Variants in FKBP1B observed in about 807,000 individuals in gnomAD.
FKBP1B encodes the protein peptidyl-prolyl cis-trans isomerase FKBP1B.
FKBP1B carries 4 observed loss-of-function variants against 13.5 expected under a neutral mutation model. The observed-to-expected ratio is 0.30, with a 90% CI of 0.15 to 0.68. FKBP1B has a LOEUF of 0.68. Among genes scored for constraint, FKBP1B ranks in the 30% least tolerant of loss-of-function variants. FKBP1B has a pLI of 0.76. For missense variants in FKBP1B, 93 were observed against 136.2 expected, an observed-to-expected ratio of 0.68 and a Z score of 1.58; for synonymous variants, 54 against 53.6, an observed-to-expected ratio of 1.01 and a Z score of -0.03.
upstream of FKBP1B, among the ~76,000 whole-genome samples, chr2:24,044,818 A>T (rs201674449): frequency 7.9e-6 from 1 of 126,422 alleles, no homozygotes; most frequent in African/African-American, 3.1e-5. Flanking sequence ...AATTATCTTT[A>T]AAAAAAAAAA....
the FKBP1B span, among the ~76,000 whole-genome samples, chr2:24,042,535 CA>C: frequency 0.055 from 3,402 of 61,568 alleles, 49 homozygotes; most frequent in Middle Eastern, 0.1. Context: ...TACTCCGTCT[CA>C]AAAAAAAAAA....
the FKBP1B span, chr2:24,037,860 T>G: frequency 6.2e-7 from 1 of 1,614,192 alleles, no homozygotes; most frequent in East Asian, 2.2e-5. Context: ...GTAAGTTCTT[T>G]CTTTGAGGCA....
chr2:24,051,256 C>G (rs1663854945), intron 1 of FKBP1B, among the ~76,000 whole-genome samples: 1 of 152,014 alleles, frequency 6.6e-6, no homozygotes, highest in Non-Finnish European at 1.5e-5. Context: ...ATCACTTGAC[C>G]CTGGGAGCCA....
At chr2:24,062,170 T>A (rs1201776029) in intron 3 of FKBP1B, among the ~76,000 whole-genome samples, 4 of 151,676 alleles carry the variant, frequency 2.6e-5, no homozygotes, top group Admixed American at 2.0e-4. Context: ...GTTTTTTGTT[T>A]TTTATTTATT....
At position 24,059,372 on chromosome 2, in the gene FKBP1B, T is replaced by TGGGA. The variant is rs1553320913; in HGVS notation, c.86-1439_86-1438insAGGG. ...GAACCAGAACTGCTGGACCAGCACC[T>TGGGA]GGGGGGGGGTTCTGGTTTCAAACAG... On this transcript the variant is annotated intron_variant, in intron 2 of 3. Coordinates refer to ENST00000380986, the MANE Select transcript of FKBP1B (RefSeq NM_004116.5). Among the ~76,000 whole-genome samples, 48 of 144,476 alleles carry TGGGA rather than the reference T, an allele frequency of 3.3e-4. 1 individual carries two copies. Among genetic ancestry groups the TGGGA allele is most frequent in the Admixed American group, 1.8e-3 (26 of 14,750 alleles). 94.8% of individuals were successfully genotyped at this position (144,476 alleles called of 152,430 possible).
chr2:24,047,664 C>T (rs577048795), upstream of FKBP1B, among the ~76,000 whole-genome samples: 102 of 152,362 alleles, frequency 6.7e-4, no homozygotes, highest in African/African-American at 2.4e-3. Context: ...GCTCTTTCCC[C>T]ACTTCTCGTC....
At chr2:24,051,864 C>T (rs887994346) in intron 1 of FKBP1B, among the ~76,000 whole-genome samples, 17 of 152,232 alleles carry the variant, frequency 1.1e-4, no homozygotes, top group African/African-American at 4.1e-4. Flanking sequence ...TGTATCCAGC[C>T]CCGTAGCTTT....
At position 24,053,956 on chromosome 2, in the gene FKBP1B, C is replaced by G; in HGVS notation, c.85+7C>G. On this transcript the variant is annotated splice_region_variant and intron_variant, in intron 2 of 3. Transcript: ENST00000380986. ...TGTGTGGTGCACTACACAGGTAAGT[C>G]TCACCCCCTCAGCCCCCACCCAGTC... 1 of 1,613,972 alleles carries G rather than the reference C, an allele frequency of 6.2e-7. No homozygotes were observed. Among genetic ancestry groups the G allele is most frequent in the African/African-American group, 1.3e-5 (1 of 75,054 alleles).
chr2:24,062,946 G>C, intron 3 of FKBP1B, 118 bp from the exon 4 acceptor site: 1 of 1,445,162 alleles, frequency 6.9e-7, no homozygotes, highest in East Asian at 2.3e-5. Context: ...ATTCATCTGA[G>C]ATCTTCAGAG....
the FKBP1B span, among the ~76,000 whole-genome samples, chr2:24,043,385 C>T: frequency 2.7e-4 from 41 of 152,060 alleles, no homozygotes; most frequent in Non-Finnish European, 4.4e-4. Context: ...GTGGCTCATG[C>T]CTGTAATCCC....
rs191229948 is a variant in FKBP1B at position 24,056,035 on chromosome 2, G to A, written c.85+2086G>A. ...TTGAGACAGAGTCTATGTTGCCCAG[G>A]CTGGAGAGAAATGGCATGATCTTGG... On this transcript the variant is annotated intron_variant, in intron 2 of 3. Coordinates refer to ENST00000380986, the MANE Select transcript of FKBP1B (RefSeq NM_004116.5). 3.1e-3 allele frequency among the ~76,000 whole-genome samples: 479 copies of A among 152,266 alleles called. 1 individual carries two copies. The highest frequency in any genetic ancestry group is 3.9e-3 in the South Asian group (19 of 4,826).
intron 2 of FKBP1B, among the ~76,000 whole-genome samples, chr2:24,054,836 T>G (rs1202518599): frequency 6.6e-6 from 1 of 152,180 alleles, no homozygotes; most frequent in African/African-American, 2.4e-5. Flanking sequence ...ATTTAACAAT[T>G]TTGCATGTTG....
chr2:24,060,550 T>A (rs1664340418), intron 2 of FKBP1B, among the ~76,000 whole-genome samples: 1 of 152,014 alleles, frequency 6.6e-6, no homozygotes, highest in South Asian at 2.1e-4. Context: ...AGATTCTGTC[T>A]CAAATAAATA....
At chr2:24,045,550 G>A (rs1286348428), upstream of FKBP1B, among the ~76,000 whole-genome samples, 2 of 147,754 alleles carry the variant, frequency 1.4e-5, no homozygotes, top group African/African-American at 2.5e-5. Flanking sequence ...GCAGTGAGCC[G>A]AGTTTGCGCC....
At position 24,063,314 on chromosome 2, in the gene FKBP1B, G is replaced by C; in HGVS notation, c.*122G>C. On this transcript the variant is annotated 3_prime_UTR_variant, in exon 4 of 4. Coordinates refer to ENST00000380986, the MANE Select transcript of FKBP1B (RefSeq NM_004116.5). ...CAGTGTGCTAACCTCACTGCCTCATGGCATCATCCATTCTCTCTGCCCAAG... is the reference window on the plus strand; with the variant it reads ...CAGTGTGCTAACCTCACTGCCTCATCGCATCATCCATTCTCTCTGCCCAAG... The C allele has an allele frequency of 1.1e-6, 1 of 915,846 alleles. No homozygotes were observed. Among genetic ancestry groups the C allele is most frequent in the Non-Finnish European group, 1.6e-6 (1 of 638,706 alleles). 56.7% of individuals were successfully genotyped at this position (915,846 alleles called of 1,614,324 possible).
intron 1 of FKBP1B, 41 bp downstream of exon 1, chr2:24,049,927 C>T (rs764512851): frequency 2.6e-4 from 357 of 1,356,616 alleles, no homozygotes; most frequent in Middle Eastern, 1.1e-3. Flanking sequence ...GGAGGGGTCC[C>T]GGGGCGGAGC....
chr2:24,053,798 A>C (rs1043265576), intron 1 of FKBP1B, 104 bp from the exon 2 acceptor site: 62 of 1,091,502 alleles, frequency 5.7e-5, no homozygotes, highest in Non-Finnish European at 7.7e-5. Flanking sequence ...TCTCCATGGC[A>C]TGGAGGGGAA....
At chr2:24,052,257 G>A (rs752169709) in intron 1 of FKBP1B, among the ~76,000 whole-genome samples, 1 of 152,328 alleles carries the variant, frequency 6.6e-6, no homozygotes, top group South Asian at 2.1e-4. Flanking sequence ...AGCAGCCAGA[G>A]TGATGTTATA....
intron 3 of FKBP1B, among the ~76,000 whole-genome samples, chr2:24,062,705 T>G (rs145164894): frequency 7.1e-4 from 108 of 152,300 alleles, no homozygotes; most frequent in Non-Finnish European, 1.1e-3. Context: ...TATTTACGTG[T>G]GCTATTCATA....
Sources: gnomAD v4.1 joint callset for allele counts (sites outside exome capture counted in the v4.1 genomes callset) on GRCh38, gnomAD v4.1.1 for gene constraint, MANE v1.5 for transcripts, NCBI Gene and HGNC (gene_info 2026-07-23, HGNC 2026-07-21) for gene names.